The following FAM120B variants were observed in gnomAD, a reference collection of about 807,000 sequenced individuals.
The protein encoded by FAM120B is family with sequence similarity 120 member B.
In FAM120B, 83 loss-of-function variants were observed where a neutral mutation model predicts 96.3. The ratio of observed to expected loss-of-function variants is 0.86; its 90% CI spans 0.72 to 1.03. The LOEUF (loss-of-function observed/expected upper bound fraction) is 1.03. FAM120B is among the 50% of genes least tolerant of loss of function. The pLI is 0.00. For missense variants in FAM120B, 1,027 were observed against 1,121.2 expected, an observed-to-expected ratio of 0.92 and a Z score of 1.20; for synonymous variants, 407 against 402.7, an observed-to-expected ratio of 1.01 and a Z score of -0.13.
At chr6:170,327,295 C>G (rs1015730864) in intron 3 of FAM120B, among the ~76,000 whole-genome samples, 3 of 152,082 alleles carry the variant, frequency 2.0e-5, no homozygotes, top group African/African-American at 7.2e-5. Flanking sequence ...ATCCGCCCAC[C>G]TCGGCCTCCC....
chr6:170,348,333 A>G lies in FAM120B; in HGVS notation c.2190+10A>G, dbSNP rs1787349382. 6.2e-7 allele frequency: 1 copy of G among 1,611,804 alleles called. No individual in the cohort carries two copies. The highest frequency in any genetic ancestry group is 8.5e-7 in the Non-Finnish European group (1 of 1,179,454). On this transcript the variant is annotated intron_variant, in intron 5 of 10. Transcript: ENST00000476287. Reference sequence around the variant, plus strand: ...CTACCTCTTTGTCCAGGTAATGTCCAGCTGCCCGTTCTAGTCACTGCAGCC... The same window carrying G: ...CTACCTCTTTGTCCAGGTAATGTCCGGCTGCCCGTTCTAGTCACTGCAGCC...
At chr6:170,378,350 C>T (rs1410543179) in intron 6 of FAM120B, among the ~76,000 whole-genome samples, 6 of 152,154 alleles carry the variant, frequency 3.9e-5, no homozygotes. Context: ...TTGATTTGGG[C>T]TTGACCTGTG....
chr6:170,362,048 C>T (rs1788494559), intron 6 of FAM120B, among the ~76,000 whole-genome samples: 12 of 152,206 alleles, frequency 7.9e-5, no homozygotes, highest in Admixed American at 7.8e-4. Flanking sequence ...CTCACCTCAG[C>T]CTCTGAAAGT....
chr6:170,403,153 G>A (rs928258728), intron 9 of FAM120B, among the ~76,000 whole-genome samples: 3 of 152,214 alleles, frequency 2.0e-5, no homozygotes, highest in Non-Finnish European at 4.4e-5. Flanking sequence ...CCATGCGGAA[G>A]TAGTTACAAA....
In FAM120B at chr6:170,295,880, C is replaced by G. The variant is rs901539440; in HGVS notation, c.48+427C>G. 2.0e-5 allele frequency among the ~76,000 whole-genome samples: 3 copies of G among 152,036 alleles called. No homozygotes were observed. The highest frequency in any genetic ancestry group is 2.0e-4 in the Admixed American group (3 of 15,284). On this transcript the variant is annotated intron_variant, in intron 1 of 10. Coordinates refer to the FAM120B transcript ENST00000537664. The surrounding 1 kb of genome is among the most constrained non-coding windows in gnomAD (Gnocchi z 7.8). Reference sequence around the variant, plus strand: ...CCCGGGGCCGAGGCCAGGCCCGCTGCGAGCAGCGGAGGCATGTGCTGATTT... The same window carrying G: ...CCCGGGGCCGAGGCCAGGCCCGCTGGGAGCAGCGGAGGCATGTGCTGATTT...
chr6:170,355,358 C>T (rs1012361175), intron 5 of FAM120B, among the ~76,000 whole-genome samples: 5 of 152,132 alleles, frequency 3.3e-5, no homozygotes, highest in African/African-American at 4.8e-5. Flanking sequence ...AAATGTGGTA[C>T]ATATACACCA....
At chr6:170,323,025 A>G (rs1785392341) in intron 2 of FAM120B, 54 bp from the exon 3 acceptor site, 1 of 1,452,598 alleles carries the variant, frequency 6.9e-7, no homozygotes, top group Non-Finnish European at 9.3e-7. Context: ...TTCTATTTGA[A>G]GGTTACTATC....
At chr6:170,328,672 T>C (rs1288359621) in intron 3 of FAM120B, among the ~76,000 whole-genome samples, 1 of 152,204 alleles carries the variant, frequency 6.6e-6, no homozygotes, top group African/African-American at 2.4e-5. Flanking sequence ...TCCTATCAAA[T>C]TTGGAAGAAA....
chr6:170,345,348 A>AATC (rs1266566035), intron 4 of FAM120B, among the ~76,000 whole-genome samples: 1 of 152,206 alleles, frequency 6.6e-6, no homozygotes, highest in African/African-American at 2.4e-5. Flanking sequence ...TCATGCCTAT[A>AATC]ATCCCAGCTC....
intron 6 of FAM120B, among the ~76,000 whole-genome samples, chr6:170,365,248 C>G (rs1788709876): frequency 1.3e-5 from 2 of 152,188 alleles, no homozygotes; most frequent in Admixed American, 1.3e-4. Context: ...TGTCATAAAC[C>G]AAGGCTAATG....
intron 9 of FAM120B, among the ~76,000 whole-genome samples, chr6:170,397,210 C>T (rs1778222357): frequency 6.6e-6 from 1 of 152,212 alleles, no homozygotes; most frequent in African/African-American, 2.4e-5. Context: ...GCCTTCCTCA[C>T]ATGAGCCATG....
chr6:170,338,737 C>A (rs1262211610), intron 4 of FAM120B, among the ~76,000 whole-genome samples: 2 of 151,828 alleles, frequency 1.3e-5, no homozygotes, highest in South Asian at 4.1e-4. Context: ...AGGATAGCTA[C>A]CTCTTCTTGT....
chr6:170,338,051 G>A (rs1251806151), intron 4 of FAM120B, among the ~76,000 whole-genome samples: 1 of 151,920 alleles, frequency 6.6e-6, no homozygotes, highest in African/African-American at 2.4e-5. Context: ...TCTGATCTTA[G>A]TTATTTCTTG....
At chr6:170,310,595 G>C (rs535119103) in intron 1 of FAM120B, among the ~76,000 whole-genome samples, 2 of 152,318 alleles carry the variant, frequency 1.3e-5, no homozygotes, top group African/African-American at 4.8e-5. Context: ...CACAAAGTTT[G>C]CTGCCTCCCC....
Position 170,318,642 on chromosome 6 carries a change from G to A in FAM120B, c.1252G>A (p.Gly418Ser). Residue 418 changes from glycine (G) to serine (S), a missense_variant, in exon 2 of 11, where the codon GGC becomes AGC. By Grantham distance (56) the Gly-to-Ser change is moderately conservative. Transcript: ENST00000476287. ...CAGGCAAGAAGTTCCCATGTGTACA[G>A]GCCCTGAAGCCAGGCAAGAAGTTCC... ...EPRQEVPMCT[G>S]PEARQEVPMY... The A allele has an allele frequency of 1.3e-6, 2 of 1,595,500 alleles. No individual in the cohort carries two copies. The highest frequency in any genetic ancestry group is 1.7e-6 in the Non-Finnish European group (2 of 1,169,788).
At chr6:170,315,957 G>A (rs1346522174) in intron 1 of FAM120B, among the ~76,000 whole-genome samples, 2 of 146,054 alleles carry the variant, frequency 1.4e-5, no homozygotes, top group Non-Finnish European at 3.0e-5. Flanking sequence ...TGTGGTGGCA[G>A]CTAAGACAAG....
intron 6 of FAM120B, among the ~76,000 whole-genome samples, chr6:170,372,165 C>T (rs1021021542): frequency 4.6e-5 from 7 of 151,962 alleles, no homozygotes; most frequent in African/African-American, 1.7e-4. Flanking sequence ...ATGGTTCATG[C>T]GGTCTGAGTA....
upstream of FAM120B, among the ~76,000 whole-genome samples, chr6:170,294,490 ATGTGGAGT>A (rs1783954360): frequency 6.6e-6 from 1 of 152,140 alleles, no homozygotes; most frequent in Non-Finnish European, 1.5e-5. The surrounding 1 kb of genome is among the most constrained non-coding windows in gnomAD (Gnocchi z 7.9). Flanking sequence ...CAGCAACCAC[ATGTGGAGT>A]TCTCTGTTTG....
chr6:170,391,315 A>G, intron 8 of FAM120B, 194 bp downstream of exon 8: 1 of 523,968 alleles, frequency 1.9e-6, no homozygotes, highest in African/African-American at 1.9e-5. Context: ...CAGGCAGATC[A>G]CTTGAGGTCA....
Sources: allele counts gnomAD v4.1 joint callset (sites outside exome capture counted in the v4.1 genomes callset), GRCh38; gene constraint gnomAD v4.1.1; non-coding constraint Gnocchi (gnomAD v3.1); transcripts MANE v1.5; gene names NCBI Gene and HGNC (gene_info 2026-07-23, HGNC 2026-07-21).